Variants in CTNNA3 observed in about 807,000 individuals in gnomAD.
CTNNA3 encodes catenin alpha-3.
In CTNNA3, 76 loss-of-function variants were observed where a neutral mutation model predicts 95.7. The ratio of observed to expected loss-of-function variants is 0.79; its 90% confidence interval spans 0.66 to 0.96. The LOEUF (loss-of-function observed/expected upper bound fraction) is 0.96, where lower values mean the gene tolerates loss of function less well. Among genes scored for constraint, CTNNA3 ranks in the 40% least tolerant of loss-of-function variants. CTNNA3 has a pLI of 0.00. For synonymous variants in CTNNA3, 431 were observed against 374.4 expected (o/e 1.15, Z -1.74); for missense variants, 1,191 against 1,089.8 (o/e 1.09, Z -1.31).
Position 66,069,340 on chromosome 10 carries a change from A to C in CTNNA3, c.2127T>G (p.Cys709Trp), listed in dbSNP as rs1171326311. 1 of 1,613,554 alleles carries C rather than the reference A, an allele frequency of 6.2e-7. No individual in the cohort carries two copies. The highest frequency in any genetic ancestry group is 8.5e-7 in the Non-Finnish European group (1 of 1,179,664). Residue 709 changes from cysteine to tryptophan, a missense_variant, in exon 15 of 18, where the codon TGT becomes TGG. Cys to Trp is a radical substitution (Grantham distance 215). Coordinates refer to ENST00000433211, the MANE Select transcript of CTNNA3 (RefSeq NM_013266.4). ...AGTCTGTCATCTCCATCATGATCAT[A>C]CACATGTTCTTGGCCAGAACAATGA... is the stretch of plus-strand genomic sequence containing the variant. ...NDIIVLAKNM[C>W]MIMMEMTDFT...
chr10:66,485,563 T>C (rs1839696782), intron 11 of CTNNA3, among the ~76,000 whole-genome samples: 1 of 151,944 alleles, frequency 6.6e-6, no homozygotes, highest in Non-Finnish European at 1.5e-5. Context: ...TTACTAAAAA[T>C]TATAAAACAT....
intron 1 of CTNNA3, among the ~76,000 whole-genome samples, chr10:67,733,824 C>A (rs889041148): frequency 6.6e-6 from 1 of 152,134 alleles, no homozygotes; most frequent in African/African-American, 2.4e-5. Flanking sequence ...AGCTACCTGG[C>A]AGTCAGACCC....
In CTNNA3 at chr10:66,379,183, T is replaced by A; in HGVS notation, c.1701A>T (p.Val567=). 1 of 1,614,124 alleles carries A rather than the reference T, an allele frequency of 6.2e-7. No homozygotes were observed. Among genetic ancestry groups the A allele is most frequent in the South Asian group, 1.1e-5 (1 of 91,084 alleles). Reference sequence around the variant, plus strand: ...TTGTAAGGAAGTTAACATTTCTCATTACACCTTCCGTGTAAGCCCCTGGCT... The same window carrying A: ...TTGTAAGGAAGTTAACATTTCTCATAACACCTTCCGTGTAAGCCCCTGGCT... ...SYEPGAYTEG[V]MRNVNFLTST... is the part of the protein sequence containing the mutation. The change falls in exon 12 of 18, where the codon GTA becomes GTT. Residue 567 remains valine (V), a synonymous_variant. Coordinates refer to ENST00000433211, the MANE Select transcript of CTNNA3 (RefSeq NM_013266.4).
At chr10:66,978,552 A>AAATATATATATAT in intron 7 of CTNNA3, among the ~76,000 whole-genome samples, 415 of 37,902 alleles carry the variant, frequency 0.011, 19 homozygotes, top group Middle Eastern at 0.021. Context: ...AAAAAAAAAA[A>AAATATATATATAT]ATATATATAT....
At chr10:67,472,400 G>A (rs530823233) in intron 5 of CTNNA3, among the ~76,000 whole-genome samples, 1 of 152,282 alleles carries the variant, frequency 6.6e-6, no homozygotes, top group East Asian at 1.9e-4. Flanking sequence ...AGACAGTGAA[G>A]GAAACTGGCC....
chr10:67,455,824 T>C (rs1847152962), intron 5 of CTNNA3, among the ~76,000 whole-genome samples: 1 of 152,132 alleles, frequency 6.6e-6, no homozygotes, highest in Non-Finnish European at 1.5e-5. Flanking sequence ...GGAGACATGA[T>C]GATTACATGT....
chr10:66,233,632 T>C (rs554408970), intron 13 of CTNNA3, among the ~76,000 whole-genome samples: 1 of 152,002 alleles, frequency 6.6e-6, no homozygotes, highest in African/African-American at 2.4e-5. Flanking sequence ...TAGACTAGAA[T>C]AGTTAAAATT....
chr10:67,097,882 A>C (rs1289240196), intron 7 of CTNNA3: 2 of 1,096,492 alleles, frequency 1.8e-6, no homozygotes, highest in Non-Finnish European at 2.7e-6. Context: ...GTGGACTCTA[A>C]AAACAAAACA....
In CTNNA3 at chr10:66,196,765, C is replaced by A. The variant is rs548463303; in HGVS notation, c.1884+83705G>T. On this transcript the variant is annotated intron_variant, in intron 13 of 17. Transcript: ENST00000433211. Reference sequence around the variant, plus strand: ...ATGGCTCCTGGCAGGCAGAACGGAGCAATGGAGGCCATACCAGGAAGCCCA... The same window carrying A: ...ATGGCTCCTGGCAGGCAGAACGGAGAAATGGAGGCCATACCAGGAAGCCCA... Among the ~76,000 whole-genome samples, 258 of 152,230 alleles carry A rather than the reference C, an allele frequency of 1.7e-3. 2 individuals are homozygous for A. Among genetic ancestry groups the A allele is most frequent in the Admixed American group, 3.0e-3 (46 of 15,288 alleles).
chr10:66,069,509 GAGT>G lies in CTNNA3; in HGVS notation c.1978-23_1978-21del, dbSNP rs1486722604. The G allele has an allele frequency of 1.9e-6, 3 of 1,576,994 alleles. No individual in the cohort carries two copies. Among genetic ancestry groups the G allele is most frequent in the Non-Finnish European group, 1.7e-6 (2 of 1,161,414 alleles). ...CTTAGCCTAAAACATGTGATAATTAGAGTTAAAATCATTCCACTATGTCAAAAG... is the reference window on the plus strand; with the variant it reads ...CTTAGCCTAAAACATGTGATAATTAGTAAAATCATTCCACTATGTCAAAAG... On this transcript the variant is annotated intron_variant, in intron 14 of 17. Coordinates refer to ENST00000433211, the MANE Select transcript of CTNNA3 (RefSeq NM_013266.4).
intron 8 of CTNNA3, among the ~76,000 whole-genome samples, chr10:66,768,792 A>G (rs895878932): frequency 6.6e-6 from 1 of 152,130 alleles, no homozygotes; most frequent in African/African-American, 2.4e-5. Flanking sequence ...AGCAAAAAAA[A>G]AAATTAGAGT....
intron 15 of CTNNA3, among the ~76,000 whole-genome samples, chr10:66,022,647 C>G (rs2079245083): frequency 6.6e-6 from 1 of 150,894 alleles, no homozygotes; most frequent in African/African-American, 2.4e-5. Flanking sequence ...ACACACACAC[C>G]AAAAGCAACC....
intron 5 of CTNNA3, among the ~76,000 whole-genome samples, chr10:67,262,565 G>A (rs1005118494): frequency 2.0e-4 from 31 of 152,166 alleles, no homozygotes; most frequent in African/African-American, 7.5e-4. Context: ...TCTAGGATCT[G>A]TGGATGTCAG....
At chr10:66,454,769 A>G (rs2093485008) in intron 11 of CTNNA3, among the ~76,000 whole-genome samples, 1 of 146,110 alleles carries the variant, frequency 6.8e-6, no homozygotes, top group Admixed American at 6.9e-5. Flanking sequence ...ATAGTATAAA[A>G]ATGAAGATGA....
chr10:66,818,935 C>T (rs752658185), intron 7 of CTNNA3, among the ~76,000 whole-genome samples: 2 of 151,718 alleles, frequency 1.3e-5, no homozygotes, highest in Non-Finnish European at 2.9e-5. Flanking sequence ...ACTAAAAACA[C>T]AAAAATTAGC....
At chr10:66,978,496 C>A in intron 7 of CTNNA3, among the ~76,000 whole-genome samples, 1 of 108,516 alleles carries the variant, frequency 9.2e-6, no homozygotes, top group African/African-American at 3.5e-5. Flanking sequence ...CACTGCACTC[C>A]AGCCTGGATG....
chr10:66,196,771 A>C (rs893744214), intron 13 of CTNNA3, among the ~76,000 whole-genome samples: 7 of 152,146 alleles, frequency 4.6e-5, no homozygotes, highest in African/African-American at 1.7e-4. Context: ...GGAGCAATGG[A>C]GGCCATACCA....
intron 17 of CTNNA3, among the ~76,000 whole-genome samples, chr10:65,953,436 G>C (rs928207959): frequency 6.6e-6 from 1 of 150,940 alleles, no homozygotes; most frequent in Non-Finnish European, 1.5e-5. Context: ...TGCACAATGT[G>C]CAGGTTTGTT....
At chr10:67,620,426 C>T (rs1175659792) in intron 2 of CTNNA3, among the ~76,000 whole-genome samples, 1 of 152,106 alleles carries the variant, frequency 6.6e-6, no homozygotes, top group African/African-American at 2.4e-5. Context: ...CACCCTCAAC[C>T]CAATCTCCTG....
Sources: allele counts gnomAD v4.1 joint callset (sites outside exome capture counted in the v4.1 genomes callset), GRCh38; gene constraint gnomAD v4.1.1; transcripts MANE v1.5; gene names NCBI Gene and HGNC (gene_info 2026-07-23, HGNC 2026-07-21).